The following THSD7A variants were observed in gnomAD, a reference collection of about 807,000 sequenced individuals.
THSD7A encodes the protein thrombospondin type 1 domain containing 7A, also known as thrombospondin type-1 domain-containing protein 7A.
In THSD7A, 96 loss-of-function variants were observed where a neutral mutation model predicts 231.3. That is an observed-to-expected ratio of 0.41 (90% CI 0.35 to 0.49). The LOEUF (loss-of-function observed/expected upper bound fraction) is 0.49, where lower values mean the gene tolerates loss of function less well. Among genes scored for constraint, THSD7A ranks in the 20% least tolerant of loss-of-function variants. The pLI is 0.05. For synonymous variants in THSD7A, 940 were observed against 743.3 expected, an observed-to-expected ratio of 1.26 and a Z score of -4.30; for missense variants, 2,290 against 2,070.2, an observed-to-expected ratio of 1.11 and a Z score of -2.06.
intron 4 of THSD7A, among the ~76,000 whole-genome samples, chr7:11,554,886 T>G (rs1246685678): frequency 6.6e-6 from 1 of 151,958 alleles, no homozygotes; most frequent in Admixed American, 6.6e-5. Flanking sequence ...CAAATTTATG[T>G]GTATCAGGTT....
At chr7:11,737,168 C>G (rs1232422800) in intron 1 of THSD7A, among the ~76,000 whole-genome samples, 3 of 151,948 alleles carry the variant, frequency 2.0e-5, no homozygotes, top group Admixed American at 2.0e-4. Context: ...GAATACAGCA[C>G]TTTAGTATTT....
chr7:11,740,146 C>T (rs879517938), intron 1 of THSD7A, among the ~76,000 whole-genome samples: 2 of 151,914 alleles, frequency 1.3e-5, no homozygotes, highest in African/African-American at 2.4e-5. Flanking sequence ...AGATCCCACA[C>T]GTCTCACTCC....
At chr7:11,544,804 C>A (rs935983103) in intron 4 of THSD7A, among the ~76,000 whole-genome samples, 1 of 149,806 alleles carries the variant, frequency 6.7e-6, no homozygotes, top group African/African-American at 2.5e-5. Context: ...CACATCTCCC[C>A]CGCCTCCCCA....
At chr7:11,619,572 C>A (rs1450591590) in intron 2 of THSD7A, among the ~76,000 whole-genome samples, 1 of 151,802 alleles carries the variant, frequency 6.6e-6, no homozygotes, top group Non-Finnish European at 1.5e-5. Context: ...CTATGCCCAA[C>A]TAATTTTTTA....
chr7:11,722,250 C>G (rs754839093), intron 1 of THSD7A, among the ~76,000 whole-genome samples: 4 of 151,936 alleles, frequency 2.6e-5, no homozygotes, highest in East Asian at 2.0e-4. Context: ...ACTGAAGTCC[C>G]CTTTGTAAGA....
chr7:11,732,072 A>C (rs1223012525), intron 1 of THSD7A, among the ~76,000 whole-genome samples: 1 of 151,742 alleles, frequency 6.6e-6, no homozygotes, highest in Non-Finnish European at 1.5e-5. Context: ...AGGATTTAAA[A>C]AAATGTTTCT....
intron 1 of THSD7A, among the ~76,000 whole-genome samples, chr7:11,708,280 G>A (rs1025853316): frequency 6.6e-6 from 1 of 150,482 alleles, no homozygotes; most frequent in Non-Finnish European, 1.5e-5. Flanking sequence ...TATAATTATA[G>A]GTATTTAAAA....
chr7:11,472,687 T>G (rs1263691719), intron 8 of THSD7A, among the ~76,000 whole-genome samples: 1 of 152,214 alleles, frequency 6.6e-6, no homozygotes, highest in East Asian at 1.9e-4. Context: ...TCCAGCAGGC[T>G]CTTTCACATA....
At chr7:11,827,071 A>T (rs1378761474) in intron 1 of THSD7A, among the ~76,000 whole-genome samples, 1 of 152,112 alleles carries the variant, frequency 6.6e-6, no homozygotes, top group Non-Finnish European at 1.5e-5. Flanking sequence ...TGGTGTAGTC[A>T]TGGTTGACTG....
chr7:11,794,673 T>G (rs974959048), intron 1 of THSD7A, among the ~76,000 whole-genome samples: 1 of 151,976 alleles, frequency 6.6e-6, no homozygotes, highest in African/African-American at 2.4e-5. Context: ...GACCTAAGAA[T>G]CAATAATGAG....
chr7:11,780,864 G>A (rs1403424822), intron 1 of THSD7A, among the ~76,000 whole-genome samples: 3 of 150,864 alleles, frequency 2.0e-5, no homozygotes, highest in Non-Finnish European at 3.0e-5. Flanking sequence ...GGTGGCGGGC[G>A]CCTGTAGTCC....
chr7:11,760,372 C>T (rs905800884), intron 1 of THSD7A, among the ~76,000 whole-genome samples: 8 of 150,728 alleles, frequency 5.3e-5, no homozygotes, highest in African/African-American at 1.9e-4. Context: ...CTGTAGTGGG[C>T]AAAAAAAAGA....
chr7:11,790,795 T>G (rs1783929613), intron 1 of THSD7A, among the ~76,000 whole-genome samples: 1 of 152,158 alleles, frequency 6.6e-6, no homozygotes, highest in South Asian at 2.1e-4. Context: ...GTACAAAGAC[T>G]GGCAGACAAT....
intron 9 of THSD7A, among the ~76,000 whole-genome samples, chr7:11,468,595 A>T (rs1039971856): frequency 6.6e-6 from 1 of 152,176 alleles, no homozygotes; most frequent in Non-Finnish European, 1.5e-5. Context: ...GCACTTTGGG[A>T]GGCTGAGATG....
intron 6 of THSD7A, among the ~76,000 whole-genome samples, chr7:11,504,788 A>C (rs2128311381): frequency 6.6e-6 from 1 of 152,044 alleles, no homozygotes; most frequent in African/African-American, 2.4e-5. Context: ...ATTTGCATGA[A>C]CCATTTTCTT....
At chr7:11,610,561 T>G (rs1414594635) in intron 2 of THSD7A, among the ~76,000 whole-genome samples, 3 of 152,098 alleles carry the variant, frequency 2.0e-5, no homozygotes, top group African/African-American at 7.2e-5. Context: ...GCTTGAAATA[T>G]GTAGAATGTA....
chr7:11,741,204 C>G lies in THSD7A; in HGVS notation c.190+90553G>C, dbSNP rs182533398. Among the ~76,000 whole-genome samples the G allele has an allele frequency of 1.1e-3, 165 of 151,926 alleles. 2 individuals carry two copies. The highest frequency in any genetic ancestry group is 3.8e-3 in the African/African-American group (156 of 41,502). On this transcript the variant is annotated intron_variant, in intron 1 of 27. Transcript: ENST00000423059. The stretch of plus-strand genomic sequence containing the variant: ...TTAAACATGTCATAGCTTTTCCTCC[C>G]GAAGGTAAAAAATGTTTTCACTATA...
intron 6 of THSD7A, among the ~76,000 whole-genome samples, chr7:11,538,638 C>G (rs983860347): frequency 6.6e-6 from 1 of 152,026 alleles, no homozygotes; most frequent in African/African-American, 2.4e-5. Context: ...ATTGTGTATC[C>G]GATGATCATG....
intron 1 of THSD7A, among the ~76,000 whole-genome samples, chr7:11,701,943 C>T (rs1282486409): frequency 6.6e-6 from 1 of 151,000 alleles, no homozygotes; most frequent in Admixed American, 6.6e-5. Context: ...ACTTTTTCCC[C>T]TGTAGATGAT....
Sources: gnomAD v4.1 joint callset for allele counts (sites outside exome capture counted in the v4.1 genomes callset) on GRCh38, gnomAD v4.1.1 for gene constraint, MANE v1.5 for transcripts, NCBI Gene and HGNC (gene_info 2026-07-23, HGNC 2026-07-21) for gene names.